Variants in SDK1 observed in about 807,000 individuals in gnomAD.
SDK1 encodes protein sidekick-1.
Under a neutral mutation model 245.5 loss-of-function variants are expected in SDK1, and 157 were observed. The ratio of observed to expected loss-of-function variants is 0.64; its 90% CI spans 0.56 to 0.73. SDK1 has a LOEUF of 0.73. SDK1 is among the 30% of genes least tolerant of loss of function. The pLI is 0.00. For missense variants in SDK1, 3,583 were observed against 3,002.3 expected (o/e 1.19, Z -4.52); for synonymous variants, 1,647 against 1,278.5 (o/e 1.29, Z -6.15).
At chr7:3,912,412 C>T (rs931544831) in intron 5 of SDK1, among the ~76,000 whole-genome samples, 21 of 152,212 alleles carry the variant, frequency 1.4e-4, no homozygotes, top group Non-Finnish European at 2.6e-4. Flanking sequence ...TTTGCATGAC[C>T]AAATAAGCAA....
rs147426448 is a variant in SDK1 at position 3,560,171 on chromosome 7, T to C, written c.299-58909T>C. On this transcript the variant is annotated intron_variant, in intron 1 of 44. Coordinates refer to ENST00000404826, the MANE Select transcript of SDK1 (RefSeq NM_152744.4). ...TTTAAATGTTACTTATCATAAAATA[T>C]TATGCTTCCGCAAAATACACTGTTT... Among the ~76,000 whole-genome samples the C allele has an allele frequency of 2.6e-5, 4 of 152,342 alleles. No individual in the cohort carries two copies. In the South Asian group the frequency reaches 6.2e-4, roughly 24 times the overall value.
chr7:4,227,791 G>A (rs776396611), intron 40 of SDK1, among the ~76,000 whole-genome samples: 10 of 152,182 alleles, frequency 6.6e-5, no homozygotes, highest in Non-Finnish European at 1.0e-4. Context: ...GACGTGCTGC[G>A]CTGGGCTCCA....
At chr7:4,149,567 C>T in intron 30 of SDK1, 104 bp downstream of exon 30, 2 of 687,630 alleles carry the variant, frequency 2.9e-6, no homozygotes, top group Non-Finnish European at 4.4e-6. Context: ...AGCAGGTGCA[C>T]CCCTGAGAGC....
intron 14 of SDK1, among the ~76,000 whole-genome samples, chr7:4,008,714 GGAAA>G: frequency 6.6e-6 from 1 of 151,870 alleles, no homozygotes; most frequent in African/African-American, 2.4e-5. Context: ...AAGGCAAAAA[GGAAA>G]AAAAGGGAAA....
chr7:3,747,014 C>T (rs535724649), intron 4 of SDK1, among the ~76,000 whole-genome samples: 23 of 152,254 alleles, frequency 1.5e-4, no homozygotes, highest in African/African-American at 4.3e-4. Flanking sequence ...AATAGTAAGA[C>T]GTGAAAGTCA....
chr7:4,214,145 G>A (rs1464923185), intron 38 of SDK1, among the ~76,000 whole-genome samples: 2 of 152,322 alleles, frequency 1.3e-5, no homozygotes, highest in East Asian at 1.9e-4. Flanking sequence ...CGAGGGTTGG[G>A]ATTTGAACCC....
intron 17 of SDK1, among the ~76,000 whole-genome samples, chr7:4,028,257 G>A (rs531892872): frequency 6.6e-6 from 1 of 152,136 alleles, no homozygotes; most frequent in Non-Finnish European, 1.5e-5. Flanking sequence ...ACCTTCTTTA[G>A]GCATTGATAG....
intron 5 of SDK1, among the ~76,000 whole-genome samples, chr7:3,911,552 C>G (rs897021619): frequency 2.0e-5 from 3 of 152,182 alleles, no homozygotes; most frequent in Admixed American, 1.3e-4. Flanking sequence ...GCTCTGCCCT[C>G]CTGATCCATT....
chr7:3,923,230 G>A (rs1779654964), intron 5 of SDK1, among the ~76,000 whole-genome samples: 1 of 152,086 alleles, frequency 6.6e-6, no homozygotes, highest in African/African-American at 2.4e-5. Context: ...TGTTTCATAA[G>A]GGTGATATTT....
intron 4 of SDK1, among the ~76,000 whole-genome samples, chr7:3,776,326 T>C (rs1780560484): frequency 6.6e-6 from 1 of 152,232 alleles, no homozygotes; most frequent in Non-Finnish European, 1.5e-5. Flanking sequence ...GTTTTTCATA[T>C]GCACTGTACC....
chr7:3,786,499 G>C (rs1411748119), intron 4 of SDK1, among the ~76,000 whole-genome samples: 2 of 152,170 alleles, frequency 1.3e-5, no homozygotes, highest in Admixed American at 6.5e-5. Flanking sequence ...AATAATGAGA[G>C]AGAAGGTTAT....
In SDK1 at chr7:3,686,433, C is replaced by T. The variant is rs143946978; in HGVS notation, c.713+44328C>T. 6.6e-3 allele frequency among the ~76,000 whole-genome samples: 998 copies of T among 152,222 alleles called. 10 individuals carry two copies. Among genetic ancestry groups the T allele is most frequent in the African/African-American group, 0.023 (974 of 41,522 alleles). ...GCGTCTGTATTAACATCAGACAGAGCATATTTGTATTAGGTGTCCAGGGCT... is the reference window on the plus strand; with the variant it reads ...GCGTCTGTATTAACATCAGACAGAGTATATTTGTATTAGGTGTCCAGGGCT... On this transcript the variant is annotated intron_variant, in intron 4 of 44. Transcript: ENST00000404826.
chr7:3,602,142 G>A (rs1464631108), intron 1 of SDK1, among the ~76,000 whole-genome samples: 1 of 151,908 alleles, frequency 6.6e-6, no homozygotes, highest in Non-Finnish European at 1.5e-5. Context: ...AAACATACGT[G>A]TGCATGTGTC....
chr7:3,447,754 G>C (rs1446092066), intron 1 of SDK1, among the ~76,000 whole-genome samples: 1 of 147,234 alleles, frequency 6.8e-6, no homozygotes, highest in Admixed American at 6.8e-5. Context: ...GCCCAGGCTG[G>C]AGTGCAATGG....
chr7:3,311,033 T>G (rs1779537115), intron 1 of SDK1, among the ~76,000 whole-genome samples: 1 of 152,186 alleles, frequency 6.6e-6, no homozygotes, highest in Admixed American at 6.5e-5. Flanking sequence ...AGAGGAATCC[T>G]GCCTTATTTA....
chr7:4,092,314 C>G (rs75473269), intron 22 of SDK1, among the ~76,000 whole-genome samples: 2,990 of 152,286 alleles, frequency 0.02, 53 homozygotes, highest in Admixed American at 0.048. Context: ...TCGCCTACCC[C>G]CTGTCCCGTG....
intron 4 of SDK1, among the ~76,000 whole-genome samples, chr7:3,734,659 C>A (rs1165350577): frequency 1.3e-5 from 2 of 152,204 alleles, no homozygotes; most frequent in Non-Finnish European, 2.9e-5. Context: ...AACCCCGGTT[C>A]TTTTCCAATT....
chr7:4,175,320 G>A (rs1782126722), intron 33 of SDK1, among the ~76,000 whole-genome samples: 1 of 152,330 alleles, frequency 6.6e-6, no homozygotes, highest in East Asian at 1.9e-4. Context: ...AATCAAAACA[G>A]CACAGTAGAA....
chr7:3,329,577 T>C (rs1780017907), intron 1 of SDK1, among the ~76,000 whole-genome samples: 1 of 152,186 alleles, frequency 6.6e-6, no homozygotes, highest in Admixed American at 6.5e-5. Flanking sequence ...ACTTTGCGTC[T>C]CTATAGATTT....
Sources: allele counts gnomAD v4.1 joint callset (sites outside exome capture counted in the v4.1 genomes callset), GRCh38; gene constraint gnomAD v4.1.1; transcripts MANE v1.5; gene names NCBI Gene and HGNC (gene_info 2026-07-23, HGNC 2026-07-21).